LRP1B: variants seen among roughly 807,000 people sequenced by gnomAD.
LRP1B encodes LDL receptor related protein 1B.
Under a neutral mutation model 556.6 loss-of-function variants are expected in LRP1B, and 217 were observed. The ratio of observed to expected loss-of-function variants is 0.39; its 90% CI spans 0.35 to 0.44. LRP1B has a LOEUF of 0.44. Among genes scored for constraint, LRP1B ranks in the 20% least tolerant of loss-of-function variants. LRP1B has a pLI of 1.00. For missense variants in LRP1B, 5,053 were observed against 5,620.8 expected, an observed-to-expected ratio of 0.90 and a Z score of 3.23; for synonymous variants, 2,047 against 1,865.8, an observed-to-expected ratio of 1.10 and a Z score of -2.50.
intron 66 of LRP1B, among the ~76,000 whole-genome samples, chr2:140,405,450 G>T (rs1684688941): frequency 1.3e-5 from 2 of 152,040 alleles, no homozygotes; most frequent in Admixed American, 1.3e-4. Context: ...AAACAAAATT[G>T]AGAAATCATT....
chr2:140,508,463 T>A (rs77330696), intron 52 of LRP1B, among the ~76,000 whole-genome samples: 16,972 of 152,180 alleles, frequency 0.11, 1,125 homozygotes, highest in East Asian at 0.26. Flanking sequence ...TCTCAGAAAT[T>A]ATTGACATAG....
chr2:141,318,425 TA>T (rs1687108391), intron 3 of LRP1B, among the ~76,000 whole-genome samples: 1 of 152,166 alleles, frequency 6.6e-6, no homozygotes. Flanking sequence ...AAGTCAAATT[TA>T]AAATAACTCT....
chr2:141,496,058 C>T (rs1233580459), intron 2 of LRP1B, among the ~76,000 whole-genome samples: 2 of 151,984 alleles, frequency 1.3e-5, no homozygotes, highest in Non-Finnish European at 2.9e-5. Context: ...AAAGCTTCTT[C>T]AAATATGACA....
intron 7 of LRP1B, among the ~76,000 whole-genome samples, chr2:141,100,733 T>C (rs1173226323): frequency 6.6e-6 from 1 of 152,040 alleles, no homozygotes; most frequent in East Asian, 1.9e-4. Context: ...GTGTGGAGCA[T>C]GGTGAAAGAT....
At chr2:141,253,576 G>A (rs964244232) in intron 4 of LRP1B, among the ~76,000 whole-genome samples, 6 of 152,020 alleles carry the variant, frequency 3.9e-5, no homozygotes, top group African/African-American at 1.2e-4. Context: ...GTGGACTTAA[G>A]TCAATGAACT....
intron 3 of LRP1B, among the ~76,000 whole-genome samples, chr2:141,475,037 A>C (rs6429887): frequency 6.6e-6 from 1 of 152,002 alleles, no homozygotes; most frequent in Non-Finnish European, 1.5e-5. Flanking sequence ...ATAAGGGCAG[A>C]TGCTGCCACA....
At chr2:140,969,663 C>T (rs76635825) in intron 18 of LRP1B, among the ~76,000 whole-genome samples, 6 of 152,056 alleles carry the variant, frequency 3.9e-5, no homozygotes, top group African/African-American at 9.7e-5. Context: ...TGTCTGGTAC[C>T]GGTGATTCTG....
chr2:141,440,961 A>G (rs111982682), intron 3 of LRP1B, among the ~76,000 whole-genome samples: 36 of 152,320 alleles, frequency 2.4e-4, no homozygotes, highest in African/African-American at 8.4e-4. Context: ...TTGTACAAGC[A>G]CAGGATAGCC....
intron 1 of LRP1B, among the ~76,000 whole-genome samples, chr2:142,095,587 T>C (rs932594591): frequency 1.3e-5 from 2 of 151,786 alleles, no homozygotes; most frequent in Admixed American, 6.6e-5. Flanking sequence ...CATAGGGTTA[T>C]ATAGGCCTGA....
intron 3 of LRP1B, among the ~76,000 whole-genome samples, chr2:141,284,927 G>C (rs1012198895): frequency 1.3e-5 from 2 of 152,056 alleles, no homozygotes; most frequent in Admixed American, 1.3e-4. Flanking sequence ...AGATTGCTTC[G>C]ATGAGTCTAG....
At chr2:140,946,217 CTG>C (rs1371495555) in intron 20 of LRP1B, among the ~76,000 whole-genome samples, 1 of 152,104 alleles carries the variant, frequency 6.6e-6, no homozygotes, top group East Asian at 1.9e-4. Flanking sequence ...GTTGGTGAGA[CTG>C]TGGAGAAAAG....
At chr2:140,868,075 C>T (rs2105155690) in intron 26 of LRP1B, 24 bp downstream of exon 26, 4 of 1,563,426 alleles carry the variant, frequency 2.6e-6, no homozygotes, top group Non-Finnish European at 2.6e-6. Flanking sequence ...AAAAAAAATA[C>T]AGAAAAGAGA....
chr2:140,252,034 C>T (rs1283060812), intron 86 of LRP1B, among the ~76,000 whole-genome samples: 1 of 91,710 alleles, frequency 1.1e-5, no homozygotes, highest in African/African-American at 4.1e-5. Flanking sequence ...ATACTCACTT[C>T]CCTTGCAGAT....
At chr2:141,287,646 G>A (rs1233988954) in intron 3 of LRP1B, among the ~76,000 whole-genome samples, 2 of 151,910 alleles carry the variant, frequency 1.3e-5, no homozygotes, top group Non-Finnish European at 2.9e-5. Context: ...TGTTTAATTG[G>A]CAAATATTGA....
At chr2:140,542,002 G>T in intron 43 of LRP1B, 31 bp from the exon 44 acceptor site, 2 of 1,500,212 alleles carry the variant, frequency 1.3e-6, no homozygotes, top group South Asian at 1.2e-5. Flanking sequence ...GTATTTTTAT[G>T]ATGAATATAT....
At chr2:140,254,364 A>G (rs1573690191) in intron 86 of LRP1B, among the ~76,000 whole-genome samples, 2 of 152,126 alleles carry the variant, frequency 1.3e-5, no homozygotes, top group Admixed American at 1.3e-4. Flanking sequence ...AAAATATTCA[A>G]TTCACTTTCA....
chr2:140,714,292 C>T (rs535884841), intron 37 of LRP1B, among the ~76,000 whole-genome samples: 90 of 152,150 alleles, frequency 5.9e-4, no homozygotes, highest in Middle Eastern at 3.4e-3. Flanking sequence ...ACTCAATAAA[C>T]GTTAATTGAA....
intron 3 of LRP1B, among the ~76,000 whole-genome samples, chr2:141,309,817 A>G (rs79269143): frequency 0.027 from 4,178 of 152,154 alleles, 219 homozygotes; most frequent in African/African-American, 0.096. Context: ...CGTTCTGCAC[A>G]TGGATCCCAC....
intron 29 of LRP1B, among the ~76,000 whole-genome samples, chr2:140,846,717 T>C (rs10166257): frequency 0.15 from 22,113 of 151,788 alleles, 1,978 homozygotes; most frequent in African/African-American, 0.25. Context: ...AGAAGCCCAA[T>C]AGAGAGACGA....
Sources: gnomAD v4.1 joint callset for allele counts (sites outside exome capture counted in the v4.1 genomes callset) on GRCh38, gnomAD v4.1.1 for gene constraint, MANE v1.5 for transcripts, NCBI Gene and HGNC (gene_info 2026-07-23, HGNC 2026-07-21) for gene names.